Variants in ZNF280C observed in about 807,000 individuals in gnomAD.
The protein encoded by ZNF280C is suppressor of hairy wing homolog 3.
ZNF280C carries 14 observed loss-of-function variants against 53.6 expected under a neutral mutation model. The observed-to-expected ratio is 0.26, with a 90% CI of 0.17 to 0.41. ZNF280C has a LOEUF of 0.41. Among genes scored for constraint, ZNF280C ranks in the 10% least tolerant of loss-of-function variants. ZNF280C has a pLI of 1.00. For synonymous variants in ZNF280C, 203 were observed against 181.1 expected, an observed-to-expected ratio of 1.12 and a Z score of -0.97; for missense variants, 416 against 547.1, an observed-to-expected ratio of 0.76 and a Z score of 2.39.
chrX:130,226,409 G>A (rs1411820835), intron 12 of ZNF280C, among the ~76,000 whole-genome samples: 1 of 111,456 alleles, frequency 9.0e-6, no homozygotes, highest in Non-Finnish European at 1.9e-5. Flanking sequence ...GTCATTCCCA[G>A]TCCCACCACC....
chrX:130,241,866 C>T (rs2032393795), intron 5 of ZNF280C, among the ~76,000 whole-genome samples: 2 of 110,963 alleles, frequency 1.8e-5, no homozygotes, highest in Non-Finnish European at 3.8e-5. Flanking sequence ...CATCATTTAC[C>T]AGCTGTGTGT....
Position 130,207,214 on chromosome X carries a change from G to C in ZNF280C, c.2043-1799C>G, listed in dbSNP as rs1017902354. Among the ~76,000 whole-genome samples the C allele has an allele frequency of 9.0e-5, 10 of 111,543 alleles. 1 individual carries two copies. The highest frequency in any genetic ancestry group is 3.3e-4 in the African/African-American group (10 of 30,694). On this transcript the variant is annotated intron_variant, in intron 16 of 18. Coordinates refer to ENST00000370978, the MANE Select transcript of ZNF280C (RefSeq NM_017666.5). Reference sequence around the variant, plus strand: ...AACTCATCCTGTATACTCCTCCAAAGTGATCTTCCTTCAGCACCCTTGATT... The same window carrying C: ...AACTCATCCTGTATACTCCTCCAAACTGATCTTCCTTCAGCACCCTTGATT...
intron 11 of ZNF280C, among the ~76,000 whole-genome samples, chrX:130,227,254 C>A: frequency 8.9e-6 from 1 of 112,021 alleles, no homozygotes; most frequent in Non-Finnish European, 1.9e-5. Context: ...TAAATAGCAT[C>A]CATGCTATGC....
At chrX:130,213,746 A>G (rs2032069640) in intron 15 of ZNF280C, among the ~76,000 whole-genome samples, 1 of 111,515 alleles carries the variant, frequency 9.0e-6, no homozygotes, top group South Asian at 3.8e-4. Context: ...GAAAGGGGAT[A>G]CAACAAAGCA....
intron 12 of ZNF280C, among the ~76,000 whole-genome samples, chrX:130,222,202 C>G (rs764987346): frequency 7.4e-5 from 8 of 107,901 alleles, no homozygotes; most frequent in Admixed American, 3.0e-4. Context: ...CACCTGAGCC[C>G]TGGCACTCTC....
intron 12 of ZNF280C, 60 bp downstream of exon 12, chrX:130,226,699 A>C (rs1207956874): frequency 9.6e-7 from 1 of 1,037,400 alleles, no homozygotes; most frequent in Non-Finnish European, 1.3e-6. Flanking sequence ...AGATCTATAC[A>C]TATAGATCTA....
intron 13 of ZNF280C, among the ~76,000 whole-genome samples, chrX:130,218,033 C>G (rs1334319213): frequency 9.0e-6 from 1 of 110,922 alleles, no homozygotes; most frequent in Non-Finnish European, 1.9e-5. Flanking sequence ...ATGGTGACAT[C>G]CGCCTGTGGT....
At chrX:130,252,069 G>A (rs778639876) in intron 2 of ZNF280C, among the ~76,000 whole-genome samples, 2 of 112,232 alleles carry the variant, frequency 1.8e-5, no homozygotes, top group Non-Finnish European at 3.8e-5. Flanking sequence ...AGCTGAGATC[G>A]TGCCACTGCA....
At chrX:130,242,205 T>C (rs1462574631) in intron 5 of ZNF280C, among the ~76,000 whole-genome samples, 1 of 109,505 alleles carries the variant, frequency 9.1e-6, no homozygotes, top group Non-Finnish European at 1.9e-5. Context: ...ATCACATGAC[T>C]GCACTCCCAC....
At chrX:130,262,499 A>G (rs1160951895) in intron 1 of ZNF280C, among the ~76,000 whole-genome samples, 1 of 112,335 alleles carries the variant, frequency 8.9e-6, no homozygotes, top group African/African-American at 3.2e-5. Flanking sequence ...AAAAACCCCT[A>G]AAGTCACCAC....
At chrX:130,221,072 G>A (rs1320413912) in intron 12 of ZNF280C, among the ~76,000 whole-genome samples, 3 of 111,636 alleles carry the variant, frequency 2.7e-5, no homozygotes, top group Admixed American at 9.5e-5. Context: ...GAGGTAACAT[G>A]TATGAAAGTA....
In ZNF280C at chrX:130,203,057, T is replaced by A. The variant is rs1258045660; in HGVS notation, c.*1920A>T. 9.0e-6 allele frequency: 1 copy of A among 111,659 alleles called. No individual in the cohort carries two copies. The highest frequency in any genetic ancestry group is 9.6e-5 in the Admixed American group (1 of 10,400). The allele number at this position is 111,659 out of a possible 1,213,427, so 9.2% of individuals were successfully genotyped here. ...GTCTTTGAAATCAGAATCCCTAAGC[T>A]AATGTTAATGATAGGCCCAAGACAG... On this transcript the variant is annotated 3_prime_UTR_variant, in exon 19 of 19. Coordinates refer to ENST00000370978, the MANE Select transcript of ZNF280C (RefSeq NM_017666.5).
intron 2 of ZNF280C, among the ~76,000 whole-genome samples, chrX:130,248,821 C>A (rs2032475947): frequency 8.9e-6 from 1 of 112,517 alleles, no homozygotes; most frequent in South Asian, 3.7e-4. Flanking sequence ...CCAGCTTACC[C>A]TGGGTCCATG....
At chrX:130,221,982 T>C (rs993581939) in intron 12 of ZNF280C, among the ~76,000 whole-genome samples, 5 of 111,085 alleles carry the variant, frequency 4.5e-5, no homozygotes, top group Non-Finnish European at 9.4e-5. Context: ...CCTACTACTT[T>C]TCCTCTCACT....
intron 6 of ZNF280C, among the ~76,000 whole-genome samples, chrX:130,239,178 C>T (rs1320562710): frequency 9.0e-6 from 1 of 111,584 alleles, no homozygotes; most frequent in Non-Finnish European, 1.9e-5. Flanking sequence ...AATAGAAAGA[C>T]ATTAGCATAT....
At chrX:130,222,795 G>C (rs191439404) in intron 12 of ZNF280C, among the ~76,000 whole-genome samples, 320 of 111,232 alleles carry the variant, frequency 2.9e-3, no homozygotes, top group Admixed American at 5.4e-3. Flanking sequence ...CTCCCAACTA[G>C]CTGGGATTAC....
intron 2 of ZNF280C, among the ~76,000 whole-genome samples, chrX:130,255,813 G>C (rs1335065534): frequency 9.0e-6 from 1 of 111,523 alleles, no homozygotes; most frequent in African/African-American, 3.3e-5. Context: ...AGATTAGCTG[G>C]GCATGGTGGT....
chrX:130,237,361 G>A lies in ZNF280C; in HGVS notation c.494-722C>T, dbSNP rs936125284. The stretch of plus-strand genomic sequence containing the variant: ...CTTAGAAAATGTAATGGGTATGTCA[G>A]ATAAAGAAACTCTGCTTTTATGTTT... On this transcript the variant is annotated intron_variant, in intron 6 of 18. Coordinates refer to ENST00000370978, the MANE Select transcript of ZNF280C (RefSeq NM_017666.5). Among the ~76,000 whole-genome samples, 5 of 111,441 alleles carry A rather than the reference G, an allele frequency of 4.5e-5. No homozygotes were observed. The East Asian group carries it at 1.4e-3, about 31-fold the overall frequency.
At chrX:130,235,498 A>T (rs1166212220) in intron 8 of ZNF280C, among the ~76,000 whole-genome samples, 1 of 112,323 alleles carries the variant, frequency 8.9e-6, no homozygotes, top group African/African-American at 3.2e-5. Context: ...TGGGTGACAG[A>T]GCAAGACTCT....
Sources: gnomAD v4.1 joint callset for allele counts (sites outside exome capture counted in the v4.1 genomes callset) on GRCh38, gnomAD v4.1.1 for gene constraint, MANE v1.5 for transcripts, NCBI Gene and HGNC (gene_info 2026-07-23, HGNC 2026-07-21) for gene names.